WWOX: variants seen among roughly 807,000 people sequenced by gnomAD.
WWOX encodes WW domain-containing oxidoreductase.
A neutral mutation model predicts 46.2 loss-of-function variants in WWOX; 69 were observed. That is an observed-to-expected ratio of 1.49 (90% CI 1.23 to 1.82). The LOEUF (loss-of-function observed/expected upper bound fraction) is 1.82, where lower values mean the gene tolerates loss of function less well. WWOX is among the 40% of genes most tolerant of loss of function. WWOX has a pLI of 0.00. For synonymous variants in WWOX, 359 were observed against 202.6 expected (o/e 1.77, Z -6.56); for missense variants, 919 against 542.6 (o/e 1.69, Z -6.89).
chr16:79,138,817 G>A (rs2050032810), intron 8 of WWOX, among the ~76,000 whole-genome samples: 2 of 152,162 alleles, frequency 1.3e-5, no homozygotes, highest in South Asian at 4.1e-4. Flanking sequence ...CCACAGTAGG[G>A]ACTCACCAGA....
intron 4 of WWOX, among the ~76,000 whole-genome samples, chr16:78,162,639 C>T (rs910820960): frequency 2.0e-4 from 30 of 152,076 alleles, no homozygotes; most frequent in African/African-American, 4.8e-4. Flanking sequence ...GCCGTGTATG[C>T]GTCATTGATT....
At chr16:78,686,109 C>G (rs555982925) in intron 8 of WWOX, among the ~76,000 whole-genome samples, 2 of 152,286 alleles carry the variant, frequency 1.3e-5, no homozygotes, top group African/African-American at 2.4e-5. Context: ...TTCATACAGT[C>G]AGGACCAGAT....
chr16:78,970,318 A>T (rs1453977891), intron 8 of WWOX, among the ~76,000 whole-genome samples: 1 of 152,124 alleles, frequency 6.6e-6, no homozygotes, highest in African/African-American at 2.4e-5. Context: ...TACAGTGTAA[A>T]CTCCATTTGG....
chr16:78,264,378 C>T (rs12598688), intron 5 of WWOX: 82,261 of 151,798 alleles, frequency 0.54, 22,603 homozygotes, highest in East Asian at 0.7. Flanking sequence ...GTCTCCCCGC[C>T]CCCACCGCCA....
intron 5 of WWOX, among the ~76,000 whole-genome samples, chr16:78,232,001 G>T (rs2037283954): frequency 6.6e-6 from 1 of 152,070 alleles, no homozygotes; most frequent in African/African-American, 2.4e-5. Flanking sequence ...AAGTTCCAAG[G>T]ATGTACCTGT....
intron 8 of WWOX, among the ~76,000 whole-genome samples, chr16:78,681,741 T>C (rs146221980): frequency 6.6e-6 from 1 of 152,200 alleles, no homozygotes; most frequent in African/African-American, 2.4e-5. Flanking sequence ...CAGTTTCCAA[T>C]ACTCAGCACA....
In WWOX at chr16:78,785,122, A is replaced by G. The variant is rs996607981; in HGVS notation, c.1056+352370A>G. ...AAATAACATCCATAAAAATAATTCA[A>G]TACTAGTATGTAAAACTAAAAACAA... On this transcript the variant is annotated intron_variant, in intron 8 of 8. Coordinates refer to ENST00000566780, the MANE Select transcript of WWOX (RefSeq NM_016373.4). 7.9e-5 allele frequency among the ~76,000 whole-genome samples: 12 copies of G among 152,330 alleles called. No individual in the cohort carries two copies. The South Asian group carries it at 1.0e-3, about 13-fold the overall frequency.
intron 8 of WWOX, among the ~76,000 whole-genome samples, chr16:78,986,611 C>T (rs915658669): frequency 2.0e-5 from 3 of 152,262 alleles, no homozygotes; most frequent in East Asian, 1.9e-4. Context: ...AGGTCACTGG[C>T]GGACATCACT....
At chr16:78,297,551 A>C (rs2151864679) in intron 5 of WWOX, among the ~76,000 whole-genome samples, 1 of 152,336 alleles carries the variant, frequency 6.6e-6, no homozygotes, top group South Asian at 2.1e-4. Flanking sequence ...GGAGTCTGAC[A>C]AATTTGAATG....
intron 5 of WWOX, among the ~76,000 whole-genome samples, chr16:78,366,829 A>G (rs1457063832): frequency 1.3e-5 from 2 of 152,082 alleles, no homozygotes; most frequent in East Asian, 3.9e-4. Context: ...TTGGATTAGT[A>G]TTTTCTTTCT....
chr16:79,185,490 A>C (rs1006069702), intron 8 of WWOX, among the ~76,000 whole-genome samples: 1 of 56,268 alleles, frequency 1.8e-5, no homozygotes, highest in Non-Finnish European at 3.2e-5. Flanking sequence ...GTTAAAGGAG[A>C]TGTGACACCT....
chr16:79,029,934 C>T (rs879878551), intron 8 of WWOX, among the ~76,000 whole-genome samples: 14 of 152,146 alleles, frequency 9.2e-5, no homozygotes, highest in Non-Finnish European at 1.8e-4. Flanking sequence ...ATAATAGGGG[C>T]CAAGAGCCGT....
chr16:78,933,314 A>C (rs775413089), intron 8 of WWOX, among the ~76,000 whole-genome samples: 2 of 152,172 alleles, frequency 1.3e-5, no homozygotes, highest in Non-Finnish European at 2.9e-5. Flanking sequence ...TGTCACATGC[A>C]TGTAGTCCCA....
intron 8 of WWOX, among the ~76,000 whole-genome samples, chr16:78,837,004 G>A (rs1423945894): frequency 6.6e-6 from 1 of 152,150 alleles, no homozygotes; most frequent in Non-Finnish European, 1.5e-5. Context: ...CTAGAACATA[G>A]AAGCCGCTTC....
chr16:78,830,107 A>G (rs2051775179), intron 8 of WWOX, among the ~76,000 whole-genome samples: 2 of 152,136 alleles, frequency 1.3e-5, no homozygotes, highest in Admixed American at 1.3e-4. Flanking sequence ...TCTCTATAAA[A>G]AATTTACATG....
intron 8 of WWOX, among the ~76,000 whole-genome samples, chr16:78,532,144 C>G (rs1490091800): frequency 6.6e-6 from 1 of 151,128 alleles, no homozygotes; most frequent in East Asian, 1.9e-4. Context: ...ATTTATAATG[C>G]TAGAGACATT....
intron 8 of WWOX, among the ~76,000 whole-genome samples, chr16:79,004,949 C>T (rs568202085): frequency 3.7e-4 from 56 of 152,078 alleles, no homozygotes; most frequent in African/African-American, 1.3e-3. Context: ...TCTTGTGTTT[C>T]AGAAAGGAGG....
At chr16:79,012,771 C>G (rs533368166) in intron 8 of WWOX, among the ~76,000 whole-genome samples, 1 of 152,250 alleles carries the variant, frequency 6.6e-6, no homozygotes, top group Non-Finnish European at 1.5e-5. Context: ...GCCCCTGAAA[C>G]ACAGCAGGTA....
intron 8 of WWOX, among the ~76,000 whole-genome samples, chr16:78,914,121 C>T (rs538564465): frequency 6.6e-6 from 1 of 152,060 alleles, no homozygotes; most frequent in Non-Finnish European, 1.5e-5. Context: ...TCACAGGAGT[C>T]TTTCCTGGCT....
Sources: gnomAD v4.1 joint callset for allele counts (sites outside exome capture counted in the v4.1 genomes callset) on GRCh38, gnomAD v4.1.1 for gene constraint, MANE v1.5 for transcripts, NCBI Gene and HGNC (gene_info 2026-07-23, HGNC 2026-07-21) for gene names.